Variants in EPS15 observed in about 807,000 individuals in gnomAD.
EPS15 encodes epidermal growth factor receptor pathway substrate 15, also known as epidermal growth factor receptor substrate 15.
A neutral mutation model predicts 113.8 loss-of-function variants in EPS15; 72 were observed. The observed-to-expected ratio is 0.63, with a 90% CI of 0.52 to 0.77. The LOEUF (loss-of-function observed/expected upper bound fraction) is 0.77. EPS15 is among the 30% of genes least tolerant of loss of function. The probability of loss-of-function intolerance (pLI) is 0.00; values close to 1 mark genes in which losing one functional copy is unlikely to be tolerated. For missense variants in EPS15, 1,048 were observed against 1,045.8 expected, an observed-to-expected ratio of 1.00 and a Z score of -0.03; for synonymous variants, 344 against 363.4, an observed-to-expected ratio of 0.95 and a Z score of 0.61.
intron 23 of EPS15, among the ~76,000 whole-genome samples, chr1:51,363,104 C>T (rs998861828): frequency 3.3e-5 from 5 of 152,062 alleles, no homozygotes; most frequent in East Asian, 3.9e-4. Flanking sequence ...TAGAGACCAG[C>T]GTGGCCAACA....
At chr1:51,444,491 T>C (rs1358581779) in intron 11 of EPS15, among the ~76,000 whole-genome samples, 1 of 152,330 alleles carries the variant, frequency 6.6e-6, no homozygotes, top group East Asian at 1.9e-4. Context: ...GCAACCATCA[T>C]ATGCAAGATT....
At chr1:51,367,258 G>A (rs1202804060) in intron 21 of EPS15, among the ~76,000 whole-genome samples, 2 of 152,060 alleles carry the variant, frequency 1.3e-5, no homozygotes, top group African/African-American at 2.4e-5. Context: ...AACTACAAAA[G>A]TATATTTAAC....
rs1441863949 is a variant in EPS15, at chr1:51,355,254, A to G, written c.*1446T>C. On this transcript the variant is annotated 3_prime_UTR_variant, in exon 25 of 25. Transcript: ENST00000371733. ...AGAAGAAATGAATTGGATATTTTGG[A>G]ATTTATTTATAGGCTAGGCAATAAG... 1 of 219,670 alleles carries G rather than the reference A, an allele frequency of 4.6e-6. No individual in the cohort carries two copies. The highest frequency in any genetic ancestry group is 2.2e-5 in the African/African-American group (1 of 44,540). The allele number at this position is 219,670 out of a possible 1,614,324, so 13.6% of individuals were successfully genotyped here. A position where few individuals can be genotyped will look rare whatever the true frequency, so the allele number is the denominator to read the frequency against.
In EPS15 at chr1:51,409,526, AG is replaced by A; in HGVS notation, c.1275+8del. 1 of 1,602,912 alleles carries A rather than the reference AG, an allele frequency of 6.2e-7. No individual in the cohort carries two copies. The highest frequency in any genetic ancestry group is 2.2e-5 in the East Asian group (1 of 44,828). ...TAGGTGCAGGCAGCAGGAAACAGCC[AG>A]ACATTACCAGTTGGGCCTCCTCAGC... On this transcript the variant is annotated splice_region_variant and intron_variant, in intron 14 of 24. Transcript: ENST00000371733.
intron 13 of EPS15, among the ~76,000 whole-genome samples, chr1:51,411,234 C>T (rs1332928131): frequency 1.3e-5 from 2 of 152,128 alleles, no homozygotes; most frequent in African/African-American, 4.8e-5. Flanking sequence ...TATCATGTTG[C>T]TTTCTTTAAA....
At chr1:51,472,990 A>C (rs1457142072) in intron 2 of EPS15, 42 bp from the exon 3 acceptor site, 1 of 1,473,790 alleles carries the variant, frequency 6.8e-7, no homozygotes, top group Non-Finnish European at 9.5e-7. Context: ...AAAATACAAA[A>C]GGCAAAATTA....
At chr1:51,499,776 T>C (rs970537224) in intron 1 of EPS15, among the ~76,000 whole-genome samples, 8 of 152,222 alleles carry the variant, frequency 5.3e-5, no homozygotes, top group Non-Finnish European at 7.3e-5. Context: ...CCTTTTCTCA[T>C]TTTTGTTCTA....
At chr1:51,477,405 C>A (rs1311681405) in intron 2 of EPS15, among the ~76,000 whole-genome samples, 1 of 152,124 alleles carries the variant, frequency 6.6e-6, no homozygotes, top group Non-Finnish European at 1.5e-5. Context: ...AAAAAACCAG[C>A]TTCTGGATTC....
rs1220551767 is a variant in EPS15, at chr1:51,356,076, TTTAG to T, written c.*620_*623del. 2.0e-5 allele frequency: 4 copies of T among 202,098 alleles called. No homozygotes were observed. The highest frequency in any genetic ancestry group is 2.3e-5 in the African/African-American group (1 of 43,630). The allele number at this position is 202,098 out of a possible 1,614,324, so 12.5% of individuals were successfully genotyped here. A position where few individuals can be genotyped will look rare whatever the true frequency, so the allele number is the denominator to read the frequency against. Reference sequence around the variant, plus strand: ...ATTTCACACATGAGGCTTTAATATTTTTAGTTAGGAAAAGATCGAATCTGAGGCT... The same window carrying T: ...ATTTCACACATGAGGCTTTAATATTTTTAGGAAAAGATCGAATCTGAGGCT... On this transcript the variant is annotated 3_prime_UTR_variant, in exon 25 of 25. Transcript: ENST00000371733.
At chr1:51,370,376 C>T (rs1447694313) in intron 21 of EPS15, among the ~76,000 whole-genome samples, 1 of 152,082 alleles carries the variant, frequency 6.6e-6, no homozygotes, top group Non-Finnish European at 1.5e-5. Context: ...AATATTTGCA[C>T]TGTATATGCT....
chr1:51,422,900 T>C (rs778315119), intron 12 of EPS15, among the ~76,000 whole-genome samples: 1 of 152,236 alleles, frequency 6.6e-6, no homozygotes, highest in African/African-American at 2.4e-5. Context: ...AAGTTTCTCC[T>C]TCGAGCTTCA....
chr1:51,489,222 T>C lies in EPS15; in HGVS notation c.34-7908A>G, dbSNP rs570566184. Among the ~76,000 whole-genome samples, 58 of 150,564 alleles carry C rather than the reference T, an allele frequency of 3.9e-4. 1 individual carries two copies. In the South Asian group the frequency reaches 0.012, roughly 31 times the overall value. Reference sequence around the variant, plus strand: ...GTTATTATAATTACATATATAGCTATAGAAATGTAAATATAATAAACTTTA... The same window carrying C: ...GTTATTATAATTACATATATAGCTACAGAAATGTAAATATAATAAACTTTA... On this transcript the variant is annotated intron_variant, in intron 1 of 24. Coordinates refer to ENST00000371733, the MANE Select transcript of EPS15 (RefSeq NM_001981.3).
intron 21 of EPS15, among the ~76,000 whole-genome samples, chr1:51,390,187 C>T (rs1488489475): frequency 2.0e-5 from 3 of 152,092 alleles, no homozygotes; most frequent in African/African-American, 7.2e-5. Context: ...TGATCTTTGA[C>T]AAACCTGAGA....
chr1:51,366,072 A>T (rs766743968), intron 21 of EPS15, 43 bp from the exon 22 acceptor site: 3 of 1,178,500 alleles, frequency 2.5e-6, no homozygotes, highest in Non-Finnish European at 3.5e-6. Flanking sequence ...ACAGTAAGAC[A>T]TTTTTTTTTT....
chr1:51,372,016 G>A (rs564884952), intron 21 of EPS15, among the ~76,000 whole-genome samples: 6 of 152,292 alleles, frequency 3.9e-5, no homozygotes, highest in Non-Finnish European at 8.8e-5. Context: ...GCTATATGAC[G>A]AATAGCCTAG....
At chr1:51,456,301 C>T (rs1181362547) in intron 8 of EPS15, among the ~76,000 whole-genome samples, 1 of 152,166 alleles carries the variant, frequency 6.6e-6, no homozygotes, top group Non-Finnish European at 1.5e-5. Context: ...TTAGAGTCCT[C>T]TCTTTAACTT....
Position 51,399,033 on chromosome 1 carries a change from G to A in EPS15, c.2051C>T (p.Ser684Leu), listed in dbSNP as rs896470022. ...ACAGTTTTTAATTCTCCCACTTACC[G>A]ATGTAATACTGCTATTGTTGGCTGC... is the stretch of plus-strand genomic sequence containing the variant. The part of the protein sequence containing the change: ...FSAANNSSIT[S>L]VETLKHNDPF... The change falls in exon 20 of 25, where the codon TCG (serine) becomes TTG (leucine). Residue 684 changes from serine to leucine, a missense_variant and splice_region_variant. Coordinates refer to ENST00000371733, the MANE Select transcript of EPS15 (RefSeq NM_001981.3). The A allele has an allele frequency of 8.7e-6, 14 of 1,609,764 alleles. No homozygotes were observed. Among genetic ancestry groups the A allele is most frequent in the African/African-American group, 5.4e-5 (4 of 74,694 alleles).
chr1:51,406,900 A>C (rs1307953925), intron 15 of EPS15, among the ~76,000 whole-genome samples: 2 of 152,244 alleles, frequency 1.3e-5, no homozygotes, highest in African/African-American at 4.8e-5. Context: ...CAACAAAAGC[A>C]GGATGCAGAA....
In EPS15 at chr1:51,399,233, A is replaced by AG. The variant is rs1648271008; in HGVS notation, c.1919-69dup. 10 of 1,464,016 alleles carry AG rather than the reference A, an allele frequency of 6.8e-6. No individual in the cohort carries two copies. The South Asian group carries it at 1.1e-4, about 16-fold the overall frequency. 90.7% of individuals were successfully genotyped at this position (1,464,016 alleles called of 1,614,324 possible). Reference sequence around the variant, plus strand: ...TTGCACTAAATTTCCCATCACTTGAAGGTATGATCAGTGCCTTAATTAAAA... The same window carrying AG: ...TTGCACTAAATTTCCCATCACTTGAAGGGTATGATCAGTGCCTTAATTAAAA... On this transcript the variant is annotated intron_variant, in intron 19 of 24. Transcript: ENST00000371733.
Sources: allele counts gnomAD v4.1 joint callset (sites outside exome capture counted in the v4.1 genomes callset), GRCh38; gene constraint gnomAD v4.1.1; transcripts MANE v1.5; gene names NCBI Gene and HGNC (gene_info 2026-07-23, HGNC 2026-07-21).